Variants in LHFPL6 observed in about 807,000 individuals in gnomAD.
LHFPL6 encodes the protein LHFPL tetraspan subfamily member 6.
A neutral mutation model predicts 20.6 loss-of-function variants in LHFPL6; 9 were observed. The ratio of observed to expected loss-of-function variants is 0.44; its 90% CI spans 0.26 to 0.76. LHFPL6 has a LOEUF of 0.76. Ranked by LOEUF, LHFPL6 falls within the 30% of genes least tolerant of loss-of-function variation. LHFPL6 has a pLI of 0.20. For synonymous variants in LHFPL6, 105 were observed against 98.7 expected, an observed-to-expected ratio of 1.06 and a Z score of -0.38; for missense variants, 218 against 253.5, an observed-to-expected ratio of 0.86 and a Z score of 0.95.
At chr13:39,595,449 C>A (rs1337516823) in intron 2 of LHFPL6, among the ~76,000 whole-genome samples, 1 of 152,200 alleles carries the variant, frequency 6.6e-6, no homozygotes, top group African/African-American at 2.4e-5. Flanking sequence ...CACGCCACCA[C>A]ATCTGACTAA....
intron 2 of LHFPL6, among the ~76,000 whole-genome samples, chr13:39,552,229 CACAT>C (rs559453739): frequency 6.6e-6 from 1 of 152,182 alleles, no homozygotes; most frequent in Non-Finnish European, 1.5e-5. Flanking sequence ...TCAGTTTAAA[CACAT>C]ACCCTTGAAG....
intron 2 of LHFPL6, among the ~76,000 whole-genome samples, chr13:39,488,864 C>T (rs1438894544): frequency 1.4e-5 from 2 of 141,958 alleles, no homozygotes; most frequent in African/African-American, 5.6e-5. Flanking sequence ...CATCAATAAC[C>T]ACCTCTTGGA....
At chr13:39,401,529 G>T (rs1387846438) in intron 2 of LHFPL6, among the ~76,000 whole-genome samples, 1 of 152,164 alleles carries the variant, frequency 6.6e-6, no homozygotes, top group African/African-American at 2.4e-5. Flanking sequence ...TTACTAGGCT[G>T]GCACTGAAGC....
intron 2 of LHFPL6, among the ~76,000 whole-genome samples, chr13:39,394,078 C>G (rs1566101379): frequency 6.6e-6 from 1 of 152,128 alleles, no homozygotes. Context: ...ATAGCTGGGA[C>G]TACAGGCATA....
At chr13:39,350,112 CAG>C (rs1368940387) in intron 3 of LHFPL6, among the ~76,000 whole-genome samples, 4 of 152,210 alleles carry the variant, frequency 2.6e-5, no homozygotes, top group East Asian at 1.9e-4. Context: ...ACAATACAGA[CAG>C]AGTCTTTGGT....
intron 2 of LHFPL6, among the ~76,000 whole-genome samples, chr13:39,572,324 G>GTA (rs1289904384): frequency 1.3e-5 from 2 of 149,484 alleles, no homozygotes; most frequent in Non-Finnish European, 3.0e-5. Context: ...GTGTGTGTGT[G>GTA]TGTGTGACAG....
chr13:39,377,299 G>A (rs1047844737), intron 3 of LHFPL6, among the ~76,000 whole-genome samples: 3 of 152,130 alleles, frequency 2.0e-5, no homozygotes, highest in African/African-American at 7.2e-5. Context: ...TATTTTAAAC[G>A]AATTTGTATG....
chr13:39,366,411 C>T (rs1472757844), intron 3 of LHFPL6, among the ~76,000 whole-genome samples: 1 of 152,098 alleles, frequency 6.6e-6, no homozygotes, highest in African/African-American at 2.4e-5. Context: ...CAGTGTTAGT[C>T]AAGATATGAA....
At chr13:39,436,349 C>T (rs746575799) in intron 2 of LHFPL6, among the ~76,000 whole-genome samples, 23 of 152,040 alleles carry the variant, frequency 1.5e-4, no homozygotes, top group Non-Finnish European at 2.6e-4. Flanking sequence ...TTTTTGATGT[C>T]CTGTTAAAAT....
chr13:39,502,892 A>T (rs902071130), intron 2 of LHFPL6, among the ~76,000 whole-genome samples: 3 of 151,944 alleles, frequency 2.0e-5, no homozygotes, highest in Non-Finnish European at 4.4e-5. Flanking sequence ...TTATTGTTGT[A>T]TCTTATTTAT....
chr13:39,382,348 C>A (rs545673151), intron 2 of LHFPL6, among the ~76,000 whole-genome samples: 1 of 152,174 alleles, frequency 6.6e-6, no homozygotes, highest in East Asian at 1.9e-4. Context: ...GGCTTTCTAC[C>A]GGCAAGCAGC....
chr13:39,475,749 G>A (rs1270002587), intron 2 of LHFPL6, among the ~76,000 whole-genome samples: 2 of 152,114 alleles, frequency 1.3e-5, no homozygotes, highest in African/African-American at 4.8e-5. Flanking sequence ...AGAAATAGCA[G>A]TAACAGGATG....
At chr13:39,561,939 A>G (rs1423653666) in intron 2 of LHFPL6, among the ~76,000 whole-genome samples, 2 of 152,200 alleles carry the variant, frequency 1.3e-5, no homozygotes, top group African/African-American at 4.8e-5. Context: ...GAGACTTTTT[A>G]AAAAATTTCC....
chr13:39,517,196 T>C (rs2138481742), intron 2 of LHFPL6, among the ~76,000 whole-genome samples: 1 of 152,302 alleles, frequency 6.6e-6, no homozygotes, highest in Admixed American at 6.5e-5. Flanking sequence ...AATTAGTTCC[T>C]GAGTACCCAA....
At chr13:39,462,948 A>C (rs1872720899) in intron 2 of LHFPL6, among the ~76,000 whole-genome samples, 2 of 152,150 alleles carry the variant, frequency 1.3e-5, no homozygotes, top group African/African-American at 4.8e-5. Flanking sequence ...ATACAAACTC[A>C]TGCTCTCCAG....
At chr13:39,400,263 T>G (rs1870951109) in intron 2 of LHFPL6, among the ~76,000 whole-genome samples, 1 of 152,086 alleles carries the variant, frequency 6.6e-6, no homozygotes, top group South Asian at 2.1e-4. Context: ...GATACTAACT[T>G]GGAAAAAACA....
chr13:39,539,827 GC>G (rs1870740408), intron 2 of LHFPL6, among the ~76,000 whole-genome samples: 1 of 152,152 alleles, frequency 6.6e-6, no homozygotes, highest in Admixed American at 6.5e-5. Context: ...TAATTAAGTT[GC>G]CCCTTTGGTT....
chr13:39,540,523 G>A (rs1249821083), intron 2 of LHFPL6, among the ~76,000 whole-genome samples: 1 of 151,978 alleles, frequency 6.6e-6, no homozygotes, highest in Non-Finnish European at 1.5e-5. Flanking sequence ...CAAGAGAAGG[G>A]GAAATTTATC....
At chr13:39,522,046 T>G in intron 2 of LHFPL6, among the ~76,000 whole-genome samples, 1 of 152,128 alleles carries the variant, frequency 6.6e-6, no homozygotes, top group East Asian at 1.9e-4. Flanking sequence ...ACACAGCCTC[T>G]TACTAATCCA....
Sources: gnomAD v4.1 joint callset for allele counts (sites outside exome capture counted in the v4.1 genomes callset) on GRCh38, gnomAD v4.1.1 for gene constraint, MANE v1.5 for transcripts, NCBI Gene and HGNC (gene_info 2026-07-23, HGNC 2026-07-21) for gene names.